FLT1: variants seen among roughly 807,000 people sequenced by gnomAD.
FLT1 encodes the protein vascular endothelial growth factor receptor 1.
FLT1 carries 49 observed loss-of-function variants against 156.3 expected under a neutral mutation model. The ratio of observed to expected loss-of-function variants is 0.31; its 90% CI spans 0.25 to 0.40. The LOEUF (loss-of-function observed/expected upper bound fraction) is 0.40, where lower values mean the gene tolerates loss of function less well. Among genes scored for constraint, FLT1 ranks in the 10% least tolerant of loss-of-function variants. The probability of loss-of-function intolerance (pLI) is 1.00; values close to 1 mark genes in which losing one functional copy is unlikely to be tolerated. For synonymous variants in FLT1, 594 were observed against 583.8 expected, an observed-to-expected ratio of 1.02 and a Z score of -0.25; for missense variants, 1,322 against 1,637.2, an observed-to-expected ratio of 0.81 and a Z score of 3.32.
intron 3 of FLT1, among the ~76,000 whole-genome samples, chr13:28,456,540 G>A (rs1879277078): frequency 6.6e-6 from 1 of 152,170 alleles, no homozygotes; most frequent in South Asian, 2.1e-4. Flanking sequence ...GCTCATGCCT[G>A]TAATCCCAGC....
intron 3 of FLT1, among the ~76,000 whole-genome samples, chr13:28,459,287 C>A (rs2137604711): frequency 6.6e-6 from 1 of 152,220 alleles, no homozygotes; most frequent in East Asian, 1.9e-4. Flanking sequence ...AAAACAGGAT[C>A]CATCACCCAA....
chr13:28,492,686 G>A (rs767140099), intron 1 of FLT1, among the ~76,000 whole-genome samples: 1 of 152,200 alleles, frequency 6.6e-6, no homozygotes, highest in South Asian at 2.1e-4. Flanking sequence ...GTGGGGAACC[G>A]TGGCTTCTTA....
intron 10 of FLT1, among the ~76,000 whole-genome samples, chr13:28,407,295 G>A (rs1875869631): frequency 6.6e-6 from 1 of 152,080 alleles, no homozygotes; most frequent in African/African-American, 2.4e-5. Context: ...AGAGAATAGT[G>A]TGATACACCC....
At chr13:28,427,018 C>T (rs1399927426) in intron 10 of FLT1, 141 bp downstream of exon 10, 1 of 792,742 alleles carries the variant, frequency 1.3e-6, no homozygotes, top group East Asian at 2.6e-5. Flanking sequence ...TGTTGCCCAC[C>T]TTTTTCCAAG....
chr13:28,363,435 T>TACATAGTACATGTTTTTGTACTTTTTCC (rs1466799303), intron 14 of FLT1, among the ~76,000 whole-genome samples: 2 of 152,236 alleles, frequency 1.3e-5, no homozygotes, highest in Non-Finnish European at 2.9e-5. Flanking sequence ...GTACTTTTTC[T>TACATAGTACATGTTTTTGTACTTTTTCC]ACATAGTACA....
intron 10 of FLT1, among the ~76,000 whole-genome samples, chr13:28,426,660 G>A (rs1283215365): frequency 6.6e-6 from 1 of 152,208 alleles, no homozygotes. Flanking sequence ...GATAAATAAA[G>A]CCCTCTTAGG....
chr13:28,377,999 A>G (rs948213568), intron 14 of FLT1, among the ~76,000 whole-genome samples: 1 of 152,208 alleles, frequency 6.6e-6, no homozygotes, highest in African/African-American at 2.4e-5. Flanking sequence ...TATGCTTTTA[A>G]AATGTTTCAA....
At chr13:28,315,457 G>C (rs908442610) in intron 25 of FLT1, among the ~76,000 whole-genome samples, 1 of 152,170 alleles carries the variant, frequency 6.6e-6, no homozygotes, top group African/African-American at 2.4e-5. Context: ...TCAGTAGGCT[G>C]AGGAAAAAGA....
intron 25 of FLT1, among the ~76,000 whole-genome samples, chr13:28,312,787 C>G (rs1411797083): frequency 6.6e-6 from 1 of 151,966 alleles, no homozygotes; most frequent in Non-Finnish European, 1.5e-5. Flanking sequence ...ATCATTCTCC[C>G]CCAGCACTGC....
intron 16 of FLT1, among the ~76,000 whole-genome samples, chr13:28,344,483 C>A (rs545155355): frequency 6.6e-6 from 1 of 152,346 alleles, no homozygotes; most frequent in Admixed American, 6.5e-5. Flanking sequence ...TGACTGCTCC[C>A]TCCAGCATCT....
chr13:28,435,069 T>TTAAC (rs979745004), intron 4 of FLT1, among the ~76,000 whole-genome samples: 17 of 152,300 alleles, frequency 1.1e-4, no homozygotes, highest in African/African-American at 4.1e-4. Context: ...ATTCATAACA[T>TTAAC]TAACTCAGCA....
chr13:28,353,912 AATCCTTTTT>A (rs1872813597), intron 15 of FLT1, among the ~76,000 whole-genome samples: 1 of 152,234 alleles, frequency 6.6e-6, no homozygotes, highest in Admixed American at 6.5e-5. Context: ...TGAGTATAAG[AATCCTTTTT>A]CAAAGGAAAT....
intron 29 of FLT1, among the ~76,000 whole-genome samples, chr13:28,305,008 G>C (rs529741457): frequency 6.6e-6 from 1 of 152,108 alleles, no homozygotes; most frequent in Non-Finnish European, 1.5e-5. Flanking sequence ...TGCAAGTTTT[G>C]CTGTGGACAT....
At chr13:28,357,735 A>G (rs1440560297) in intron 14 of FLT1, 50 bp from the exon 15 acceptor site, 1 of 1,560,614 alleles carries the variant, frequency 6.4e-7, no homozygotes, top group Non-Finnish European at 8.8e-7. Flanking sequence ...ACAAACAAAA[A>G]ACAGCTACTT....
chr13:28,300,512 C>A lies in FLT1; in HGVS notation c.*2655G>T. The A allele has an allele frequency of 6.0e-6, 1 of 166,488 alleles. No homozygotes were observed. 10.3% of individuals were successfully genotyped at this position (166,488 alleles called of 1,614,324 possible). A position where few individuals can be genotyped will look rare whatever the true frequency, so the allele number is the denominator to read the frequency against. ...TCCTTAAATAGTTATGCACAAAACA[C>A]ACATACACCCACACACACACACACA... On this transcript the variant is annotated 3_prime_UTR_variant, in exon 30 of 30. Transcript: ENST00000282397.
intron 15 of FLT1, among the ~76,000 whole-genome samples, chr13:28,356,917 C>A (rs1872918731): frequency 6.6e-6 from 1 of 152,232 alleles, no homozygotes. Flanking sequence ...ATGTAAGCCA[C>A]ATGGCCATAG....
At chr13:28,377,432 T>C (rs1379893959) in intron 14 of FLT1, among the ~76,000 whole-genome samples, 1 of 144,790 alleles carries the variant, frequency 6.9e-6, no homozygotes, top group Non-Finnish European at 1.6e-5. Context: ...AGCCATAGAA[T>C]TTTTCTGATT....
chr13:28,402,814 G>A (rs1875536510), intron 11 of FLT1, among the ~76,000 whole-genome samples: 1 of 152,092 alleles, frequency 6.6e-6, no homozygotes, highest in South Asian at 2.1e-4. Flanking sequence ...TTTTGAGACA[G>A]AGTCTCACTC....
intron 15 of FLT1, among the ~76,000 whole-genome samples, chr13:28,356,879 T>C (rs2137410389): frequency 6.6e-6 from 1 of 152,322 alleles, no homozygotes; most frequent in South Asian, 2.1e-4. Flanking sequence ...ATTAGAGAAT[T>C]GAAACTGAGG....
Sources: allele counts gnomAD v4.1 joint callset (sites outside exome capture counted in the v4.1 genomes callset), GRCh38; gene constraint gnomAD v4.1.1; transcripts MANE v1.5; gene names NCBI Gene and HGNC (gene_info 2026-07-23, HGNC 2026-07-21).